The following ANO1 variants were observed in gnomAD, a reference collection of about 807,000 sequenced individuals.
ANO1 encodes anoctamin 1, also known as anoctamin-1.
ANO1 carries 59 observed loss-of-function variants against 124.0 expected under a neutral mutation model. That is an observed-to-expected ratio of 0.48 (90% confidence interval 0.39 to 0.59). The LOEUF (loss-of-function observed/expected upper bound fraction) is 0.59, where lower values mean the gene tolerates loss of function less well. Ranked by LOEUF, ANO1 falls within the 20% of genes least tolerant of loss-of-function variation. The probability of loss-of-function intolerance (pLI) is 0.00; values close to 1 mark genes in which losing one functional copy is unlikely to be tolerated. For missense variants in ANO1, 1,059 were observed against 1,328.0 expected (o/e 0.80, Z 3.15); for synonymous variants, 529 against 532.0 (o/e 0.99, Z 0.08).
intron 19 of ANO1, among the ~76,000 whole-genome samples, chr11:70,164,032 TCAAACA>T (rs770060889): frequency 6.6e-6 from 1 of 151,758 alleles, no homozygotes; most frequent in Non-Finnish European, 1.5e-5. Context: ...CTCTTTACCC[TCAAACA>T]CCATGCTGGT....
intron 1 of ANO1, among the ~76,000 whole-genome samples, chr11:70,058,492 C>A (rs544849151): frequency 1.4e-4 from 21 of 152,258 alleles, no homozygotes; most frequent in African/African-American, 5.1e-4. Context: ...GTCTGCGATG[C>A]TAGCAGAGAA....
At chr11:70,031,225 G>A (rs557116637) in intron 1 of ANO1, among the ~76,000 whole-genome samples, 1 of 152,330 alleles carries the variant, frequency 6.6e-6, no homozygotes, top group South Asian at 2.1e-4. Context: ...AATGACAGGT[G>A]TGAGCCACTG....
rs2049130611 is a variant in ANO1 at position 70,186,400 on chromosome 11, A to AAGAC, written c.2694+707_2694+710dup. ...GAAGGAAGGAAGGAAGGAAGGAAGA[A>AAGAC]AGACATGGAGAAAGGGGACCCCACC... On this transcript the variant is annotated intron_variant, in intron 25 of 25. Coordinates refer to ENST00000355303, the MANE Select transcript of ANO1 (RefSeq NM_018043.7). Among the ~76,000 whole-genome samples, 3 of 150,782 alleles carry AAGAC rather than the reference A, an allele frequency of 2.0e-5. No homozygotes were observed. The South Asian group carries it at 6.4e-4, about 32-fold the overall frequency.
chr11:70,149,832 C>A (rs181362620), intron 12 of ANO1, 40 bp downstream of exon 12: 1 of 1,599,044 alleles, frequency 6.3e-7, no homozygotes, highest in Non-Finnish European at 8.5e-7. Context: ...GCCCTTCCCC[C>A]ACGTTCCCCC....
chr11:69,995,766 C>T (rs1422243831), intron 1 of ANO1, among the ~76,000 whole-genome samples: 1 of 152,160 alleles, frequency 6.6e-6, no homozygotes, highest in Non-Finnish European at 1.5e-5. Flanking sequence ...CCCCGATCAC[C>T]TGGCTGCTTC....
chr11:70,002,916 T>C (rs1386706022), intron 1 of ANO1, among the ~76,000 whole-genome samples: 1 of 152,086 alleles, frequency 6.6e-6, no homozygotes, highest in Non-Finnish European at 1.5e-5. Flanking sequence ...AAAATAAAAT[T>C]ATAAATATTC....
chr11:70,177,644 G>GTGAATGAACGC (rs1441788574), intron 22 of ANO1, among the ~76,000 whole-genome samples: 1 of 130,752 alleles, frequency 7.6e-6, no homozygotes, highest in Non-Finnish European at 1.6e-5. Context: ...CATTCTCCCA[G>GTGAATGAACGC]GCTGGAGTGA....
chr11:69,997,482 G>C (rs1320830236), intron 1 of ANO1, among the ~76,000 whole-genome samples: 3 of 152,176 alleles, frequency 2.0e-5, no homozygotes, highest in African/African-American at 7.2e-5. Flanking sequence ...AGGCCACAGG[G>C]CCAGACATGA....
intron 1 of ANO1, among the ~76,000 whole-genome samples, chr11:69,998,195 G>A (rs1269343293): frequency 6.6e-6 from 1 of 152,178 alleles, no homozygotes; most frequent in Non-Finnish European, 1.5e-5. Flanking sequence ...TTTACATACA[G>A]TAAAATGTCC....
At chr11:70,163,186 G>C (rs372410635) in intron 18 of ANO1, 97 bp from the exon 19 acceptor site, 299 of 1,314,052 alleles carry the variant, frequency 2.3e-4, no homozygotes, top group Non-Finnish European at 2.9e-4. Flanking sequence ...GGCTCAGCCT[G>C]CAGGACTCAC....
chr11:70,115,188 C>T (rs2045929020), intron 7 of ANO1, among the ~76,000 whole-genome samples: 1 of 152,052 alleles, frequency 6.6e-6, no homozygotes, highest in Non-Finnish European at 1.5e-5. Context: ...TGGTTGCTTG[C>T]TTGAGTGTGT....
chr11:70,151,121 ACCTCAGTGT>A (rs2047585929), intron 12 of ANO1, among the ~76,000 whole-genome samples: 1 of 152,240 alleles, frequency 6.6e-6, no homozygotes, highest in Admixed American at 6.5e-5. Context: ...ACATCCCTGT[ACCTCAGTGT>A]CCTCACTTGA....
chr11:70,177,594 C>CTTTTTTTTTTCTTTTTTTTTTTT (rs1565281935), intron 22 of ANO1, among the ~76,000 whole-genome samples: 7 of 78,932 alleles, frequency 8.9e-5, no homozygotes, highest in Non-Finnish European at 1.1e-4. Flanking sequence ...TTTTTTTTTT[C>CTTTTTTTTTTCTTTTTTTTTTTT]TTTTTTTTTT....
intron 25 of ANO1, among the ~76,000 whole-genome samples, chr11:70,186,429 G>A (rs1029534380): frequency 2.7e-5 from 4 of 148,634 alleles, no homozygotes; most frequent in Non-Finnish European, 5.9e-5. Flanking sequence ...CCCCACCTCT[G>A]TCCCTCTCAT....
At chr11:70,119,867 G>A (rs559267536) in intron 8 of ANO1, among the ~76,000 whole-genome samples, 109 of 149,442 alleles carry the variant, frequency 7.3e-4, no homozygotes, top group Non-Finnish European at 1.3e-3. Context: ...GAGGGATGAT[G>A]GATAGATGCT....
chr11:70,136,627 G>A (rs1364264517), intron 11 of ANO1, among the ~76,000 whole-genome samples: 2 of 147,416 alleles, frequency 1.4e-5, no homozygotes, highest in African/African-American at 4.9e-5. Context: ...AGAGTCAGGA[G>A]AGGCCTTTCC....
intron 4 of ANO1, among the ~76,000 whole-genome samples, chr11:70,104,467 C>A (rs1303317696): frequency 6.6e-6 from 1 of 152,176 alleles, no homozygotes; most frequent in Non-Finnish European, 1.5e-5. Context: ...CACCCCATCC[C>A]CCTCCAGTGT....
intron 1 of ANO1, among the ~76,000 whole-genome samples, chr11:70,044,146 T>C (rs1857223582): frequency 1.3e-5 from 2 of 151,986 alleles, no homozygotes; most frequent in African/African-American, 4.8e-5. Context: ...TTTACAACTA[T>C]GTTGTAAACT....
intron 1 of ANO1, among the ~76,000 whole-genome samples, 193 bp downstream of exon 1, chr11:70,078,907 C>T (rs952500099): frequency 7.3e-5 from 11 of 151,578 alleles, no homozygotes; most frequent in Non-Finnish European, 1.6e-4. Flanking sequence ...TGCGTGCGCC[C>T]CGCCTGCGCT....
Sources: gnomAD v4.1 joint callset for allele counts (sites outside exome capture counted in the v4.1 genomes callset) on GRCh38, gnomAD v4.1.1 for gene constraint, MANE v1.5 for transcripts, NCBI Gene and HGNC (gene_info 2026-07-23, HGNC 2026-07-21) for gene names.